The following PLOD1 variants were observed in gnomAD, a reference collection of about 807,000 sequenced individuals.
PLOD1 encodes lysine hydroxylase.
PLOD1 carries 70 observed loss-of-function variants against 94.7 expected under a neutral mutation model. The ratio of observed to expected loss-of-function variants is 0.74; its 90% CI spans 0.61 to 0.90. The LOEUF is 0.90. PLOD1 is among the 40% of genes least tolerant of loss of function. PLOD1 has a pLI of 0.00. For synonymous variants in PLOD1, 417 were observed against 400.2 expected, an observed-to-expected ratio of 1.04 and a Z score of -0.50; for missense variants, 905 against 972.7, an observed-to-expected ratio of 0.93 and a Z score of 0.93.
intron 5 of PLOD1, chr1:11,954,359 G>A (rs569251334): frequency 1.5e-4 from 48 of 330,562 alleles, no homozygotes; most frequent in South Asian, 1.1e-3. Flanking sequence ...GGTGGCACAT[G>A]CCCGTAGTCC....
intron 18 of PLOD1, 119 bp downstream of exon 18, chr1:11,973,116 GAA>G: frequency 3.8e-6 from 4 of 1,044,014 alleles, no homozygotes; most frequent in Non-Finnish European, 5.7e-6. Flanking sequence ...CAGAGAACCA[GAA>G]AAAAAAGGAT....
chr1:11,955,906 G>T (rs372024042), intron 6 of PLOD1, among the ~76,000 whole-genome samples: 3 of 151,984 alleles, frequency 2.0e-5, no homozygotes, highest in Non-Finnish European at 4.4e-5. Flanking sequence ...GATTACAGAC[G>T]TGAGCCATCG....
At position 11,957,829 on chromosome 1, in the gene PLOD1, G is replaced by T. The variant is rs748075257; in HGVS notation, c.742-13G>T. 1 of 1,603,184 alleles carries T rather than the reference G, an allele frequency of 6.2e-7. No individual in the cohort carries two copies. The highest frequency in any genetic ancestry group is 8.5e-7 in the Non-Finnish European group (1 of 1,170,066). ...CTGGCTGGCTTCTCTGTGACCCCAC[G>T]TCTCCCCGACAGCTGCAGTTGAACT... is the stretch of plus-strand genomic sequence containing the variant. On this transcript the variant is annotated splice_polypyrimidine_tract_variant and intron_variant, in intron 7 of 18. Coordinates refer to ENST00000196061, the MANE Select transcript of PLOD1 (RefSeq NM_000302.4). This position sits in a 1 kb window ranked among gnomAD's most constrained non-coding sequence, Gnocchi z 4.1.
chr1:11,968,506 ATTT>A (rs1645837705), intron 16 of PLOD1, among the ~76,000 whole-genome samples: 1 of 147,128 alleles, frequency 6.8e-6, no homozygotes, highest in African/African-American at 2.5e-5. Flanking sequence ...CCCACCTCTG[ATTT>A]TCTTTTTTCT....
intron 10 of PLOD1, among the ~76,000 whole-genome samples, chr1:11,962,664 G>C (rs1645787182): frequency 6.6e-6 from 1 of 152,148 alleles, no homozygotes; most frequent in African/African-American, 2.4e-5. Context: ...GCCAAGGATT[G>C]CTTGAGCTGG....
At chr1:11,940,818 G>A (rs1645610150) in intron 1 of PLOD1, among the ~76,000 whole-genome samples, 1 of 152,204 alleles carries the variant, frequency 6.6e-6, no homozygotes, top group Non-Finnish European at 1.5e-5. Flanking sequence ...ATGCCTTAAG[G>A]GTTTCTCTGG....
intron 1 of PLOD1, among the ~76,000 whole-genome samples, chr1:11,935,929 A>G (rs1038133529): frequency 5.3e-5 from 8 of 150,722 alleles, no homozygotes; most frequent in African/African-American, 2.0e-4. Context: ...GGCCGGTTCA[A>G]GCGACTCCTG....
intron 5 of PLOD1, among the ~76,000 whole-genome samples, chr1:11,954,105 A>G (rs1009028750): frequency 6.6e-6 from 1 of 150,426 alleles, no homozygotes; most frequent in African/African-American, 2.4e-5. Context: ...GGCTCAAGTG[A>G]TCCTTCTGCC....
chr1:11,963,690 G>T lies in PLOD1; in HGVS notation c.1202+54G>T, dbSNP rs377018142. On this transcript the variant is annotated intron_variant, in intron 11 of 18. Coordinates refer to ENST00000196061, the MANE Select transcript of PLOD1 (RefSeq NM_000302.4). This position sits in a 1 kb window ranked among gnomAD's most constrained non-coding sequence, Gnocchi z 4.3. ...TGCTCAGGACTGGCCTGGTCCTGGG[G>T]TGGCAGCCCTCCTTGCCTTCCTCCT... The T allele has an allele frequency of 4.6e-5, 54 of 1,173,670 alleles. No individual in the cohort carries two copies. In the African/African-American group the frequency reaches 5.7e-4, roughly 12 times the overall value. 72.7% of individuals were successfully genotyped at this position (1,173,670 alleles called of 1,614,324 possible).
At chr1:11,955,656 C>T (rs1645733003) in intron 6 of PLOD1, among the ~76,000 whole-genome samples, 1 of 152,018 alleles carries the variant, frequency 6.6e-6, no homozygotes, top group South Asian at 2.1e-4. Flanking sequence ...TGGAGTCTTG[C>T]TCCATCGCCC....
chr1:11,956,036 A>G (rs1187114949), intron 6 of PLOD1, among the ~76,000 whole-genome samples: 1 of 150,352 alleles, frequency 6.7e-6, no homozygotes, highest in African/African-American at 2.4e-5. Flanking sequence ...TGCTGGGATT[A>G]CAGGTGTGCG....
chr1:11,951,901 A>C (rs1445294034), intron 4 of PLOD1, among the ~76,000 whole-genome samples: 1 of 151,980 alleles, frequency 6.6e-6, no homozygotes, highest in Non-Finnish European at 1.5e-5. Flanking sequence ...CCTGGGCGAC[A>C]GAGCGAGACA....
chr1:11,963,270 G>A lies in PLOD1; in HGVS notation c.1098-262G>A, dbSNP rs977210654. Reference sequence around the variant, plus strand: ...TTACTCCCCACCCTGGGCCATGTAGGCACCTGTGGGCTGTGTTCTTCCCAG... The same window carrying A: ...TTACTCCCCACCCTGGGCCATGTAGACACCTGTGGGCTGTGTTCTTCCCAG... On this transcript the variant is annotated intron_variant, in intron 10 of 18. Coordinates refer to ENST00000196061, the MANE Select transcript of PLOD1 (RefSeq NM_000302.4). The surrounding 1 kb of genome is among the most constrained non-coding windows in gnomAD (Gnocchi z 4.3). Among the ~76,000 whole-genome samples the A allele has an allele frequency of 6.6e-6, 1 of 152,188 alleles. No individual in the cohort carries two copies. The highest frequency in any genetic ancestry group is 1.9e-4 in the East Asian group (1 of 5,196).
chr1:11,967,191 T>G, intron 16 of PLOD1, 100 bp downstream of exon 16: 1 of 779,538 alleles, frequency 1.3e-6, no homozygotes, highest in Non-Finnish European at 2.3e-6. Context: ...TGGCCACCCT[T>G]TCTGGGACTC....
chr1:11,953,899 C>G (rs1183298763), intron 5 of PLOD1, among the ~76,000 whole-genome samples: 6 of 151,970 alleles, frequency 3.9e-5, no homozygotes, highest in African/African-American at 1.4e-4. Context: ...CAGGGTCTCA[C>G]TGTCACCCAG....
intron 15 of PLOD1, 125 bp from the exon 16 acceptor site, chr1:11,966,862 T>C: frequency 1.3e-6 from 1 of 747,346 alleles, no homozygotes; most frequent in Non-Finnish European, 2.5e-6. Flanking sequence ...TCTCCAGGAT[T>C]GACAAGGCCC....
intron 5 of PLOD1, among the ~76,000 whole-genome samples, chr1:11,953,682 C>T (rs1175899636): frequency 5.3e-5 from 8 of 151,514 alleles, no homozygotes; most frequent in Non-Finnish European, 1.2e-4. Flanking sequence ...ATCCCAGCTA[C>T]TCAGGAGGCT....
At chr1:11,964,569 C>A in intron 12 of PLOD1, 75 bp from the exon 13 acceptor site, 2 of 1,475,218 alleles carry the variant, frequency 1.4e-6, no homozygotes, top group Non-Finnish European at 1.9e-6. Context: ...TGACTCCCCA[C>A]CACCACCCTG....
In PLOD1 at chr1:11,934,850, C is replaced by G. The variant is rs1438879558; in HGVS notation, c.71C>G (p.Pro24Arg). Residue 24 changes from proline (P) to arginine (R), a missense_variant, in exon 1 of 19, where the codon CCG (proline) becomes CGG (arginine). Pro to Arg is a moderately radical substitution (Grantham distance 103, BLOSUM62 -2). Coordinates refer to ENST00000196061, the MANE Select transcript of PLOD1 (RefSeq NM_000302.4). The part of the protein sequence containing the change: ...LLAEAKGDAK[P>R]EDNLLVLTVA... The stretch of plus-strand genomic sequence containing the variant: ...GCCGAAGCGAAGGGCGACGCCAAGC[C>G]GGAGGGTGAGGGAGCGAAGGCCGGG... The G allele has an allele frequency of 1.0e-5, 16 of 1,538,530 alleles. 1 individual carries two copies. The highest frequency in any genetic ancestry group is 3.5e-4 in the Middle Eastern group (2 of 5,784).
Sources: gnomAD v4.1 joint callset for allele counts (sites outside exome capture counted in the v4.1 genomes callset) on GRCh38, gnomAD v4.1.1 for gene constraint, Gnocchi (gnomAD v3.1) non-coding constraint, MANE v1.5 for transcripts, NCBI Gene and HGNC (gene_info 2026-07-23, HGNC 2026-07-21) for gene names.